The following TTN variants were observed in gnomAD, a reference collection of about 807,000 sequenced individuals.
TTN encodes the protein connectin.
Under a neutral mutation model 3,223.0 loss-of-function variants are expected in TTN, and 1,525 were observed. The ratio of observed to expected loss-of-function variants is 0.47; its 90% CI spans 0.45 to 0.49. The LOEUF is 0.49. Among genes scored for constraint, TTN ranks in the 20% least tolerant of loss-of-function variants. The pLI, the probability that TTN is intolerant of heterozygous loss-of-function variation, is 0.00. For synonymous variants in TTN, 14,094 were observed against 15,161.0 expected (o/e 0.93, Z 5.17); for missense variants, 40,786 against 43,424.0 (o/e 0.94, Z 5.40).
intron 47 of TTN, chr2:178,746,245 AG>A: frequency 6.2e-7 from 1 of 1,612,704 alleles, no homozygotes; most frequent in South Asian, 1.1e-5. Flanking sequence ...AATCACAAAT[AG>A]GCATTATAAA....
rs932333848 is a variant in TTN at position 178,618,010 on chromosome 2, G to C, written c.47341C>G (p.Pro15781Ala). The change falls in exon 253 of 363, where the codon CCA becomes GCA. Residue 15781 changes from proline (P) to alanine (A), a missense_variant. Coordinates refer to ENST00000589042, the MANE Select transcript of TTN (RefSeq NM_001267550.2). ...TCAGCACCTCCATCATACTCTGGTG[G>C]TTCCCATGTCAGTGAGACACCAAAT... ...NRFGVSLTWE[P>A]PEYDGGAEIT... 12 of 1,612,480 alleles carry C rather than the reference G, an allele frequency of 7.4e-6. No individual in the cohort carries two copies. In the East Asian group the frequency reaches 2.7e-4, roughly 36 times the overall value.
In TTN at chr2:178,757,872, C is replaced by T; in HGVS notation, c.10348G>A (p.Val3450Ile). 3.2e-6 allele frequency: 5 copies of T among 1,547,248 alleles called. No individual in the cohort carries two copies. The South Asian group carries it at 6.3e-5, about 20-fold the overall frequency. ...EENTSNSQWHVSLSVSFKKEP... is the reference protein window; with the variant it reads ...EENTSNSQWHISLSVSFKKEP... ...TTCTTAAATGAAACTGATAAAGAGA[C>T]ATGCCATTGGGAGTTTGATGTATTT... is the stretch of plus-strand genomic sequence containing the variant. The change falls in exon 45 of 363, where the codon GTC becomes ATC. Residue 3450 changes from valine to isoleucine, a missense_variant. Transcript: ENST00000589042.
At chr2:178,643,573 AC>A (rs1277438451) in intron 218 of TTN, among the ~76,000 whole-genome samples, 2 of 151,948 alleles carry the variant, frequency 1.3e-5, no homozygotes, top group African/African-American at 4.8e-5. Context: ...GATATAATGA[AC>A]ATAGTGAAAA....
chr2:178,634,379 C>A lies in TTN; in HGVS notation c.42402G>T (p.Arg14134=). 6.2e-7 allele frequency: 1 copy of A among 1,605,910 alleles called. No individual in the cohort carries two copies. Among genetic ancestry groups the A allele is most frequent in the Non-Finnish European group, 8.5e-7 (1 of 1,177,924 alleles). ...AEVEGKKTSA[R]LFVTGIRLKF... ...TAGCTCGCTTACCTGTGACAAACAACCGAGCTGAGGTCTTCTTGCCCTCCA... is the reference window on the plus strand; with the variant it reads ...TAGCTCGCTTACCTGTGACAAACAAACGAGCTGAGGTCTTCTTGCCCTCCA... The change falls in exon 230 of 363, where the codon CGG becomes CGT. Residue 14134 remains arginine (R), a synonymous_variant. Transcript: ENST00000589042. The surrounding 1 kb of genome is among the most constrained non-coding windows in gnomAD (Gnocchi z 4.6).
intron 55 of TTN, 55 bp from the exon 56 acceptor site, chr2:178,732,773 G>A: frequency 6.4e-7 from 1 of 1,564,768 alleles, no homozygotes; most frequent in South Asian, 1.2e-5. Context: ...TGATCTAAGG[G>A]AAGATGACTT....
In TTN at chr2:178,729,302, C is replaced by A; in HGVS notation, c.18854G>T (p.Arg6285Ile). The A allele has an allele frequency of 6.2e-7, 1 of 1,610,510 alleles. No individual in the cohort carries two copies. The highest frequency in any genetic ancestry group is 8.5e-7 in the Non-Finnish European group (1 of 1,177,694). ...GTATAACTGACCTTTCAGGGCAACTCTAGTACTGCATGAGCAGCTGCCGCC... is the reference window on the plus strand; with the variant it reads ...GTATAACTGACCTTTCAGGGCAACTATAGTACTGCATGAGCAGCTGCCGCC... ...NEGGSCSCST[R>I]VALKEPPSFI... The change falls in exon 64 of 363, where the codon AGA (arginine) becomes ATA (isoleucine). Residue 6285 changes from arginine to isoleucine, a missense_variant. Transcript: ENST00000589042.
At chr2:178,556,235 GC>G (rs1319138919) in intron 330 of TTN, 1 of 153,954 alleles carries the variant, frequency 6.5e-6, no homozygotes, top group Non-Finnish European at 1.4e-5. Context: ...GTTGAGACCT[GC>G]CTGGCCAACA....
Position 178,619,884 on chromosome 2 carries a change from A to G in TTN, c.46433T>C (p.Ile15478Thr). ...TGGAGGCCTGATGATCTCAACAGGAATTTCTGGAAAGAAAATGTGAAATAA... is the reference window on the plus strand; with the variant it reads ...TGGAGGCCTGATGATCTCAACAGGAGTTTCTGGAAAGAAAATGTGAAATAA... ...KSRARLFVEE[I>T]PVEIIRPPQD... Residue 15478 changes from isoleucine to threonine, a missense_variant, in exon 250 of 363, where the codon ATT becomes ACT. Ile to Thr is a moderately conservative substitution (Grantham distance 89). Coordinates refer to ENST00000589042, the MANE Select transcript of TTN (RefSeq NM_001267550.2). 4 of 1,605,732 alleles carry G rather than the reference A, an allele frequency of 2.5e-6. No homozygotes were observed. Among genetic ancestry groups the G allele is most frequent in the Non-Finnish European group, 3.4e-6 (4 of 1,177,480 alleles).
At position 178,756,457 on chromosome 2, in the gene TTN, G is replaced by T; in HGVS notation, c.11019C>A (p.Cys3673Ter). Residue 3673 changes from cysteine to a stop codon, truncating the protein, a stop_gained, in exon 46 of 363, where the codon TGC (cysteine) becomes TGA (stop). Transcript: ENST00000589042. LOFTEE classifies it high-confidence loss of function. ...FLHLQDVTVKCGDTAQFLCVL... is the reference protein window; with the variant it reads ...FLHLQDVTVK ...CACAGAGGAATTGAGCCGTGTCACC[G>T]CACTTTACAGTGACGTCCTGAAGAT... 6.2e-7 allele frequency: 1 copy of T among 1,613,740 alleles called. No individual in the cohort carries two copies. Among genetic ancestry groups the T allele is most frequent in the Non-Finnish European group, 8.5e-7 (1 of 1,179,806 alleles).
Position 178,561,345 on chromosome 2 carries a change from T to C in TTN, c.84787A>G (p.Asn28263Asp), listed in dbSNP as rs762665595. 3 of 1,613,858 alleles carry C rather than the reference T, an allele frequency of 1.9e-6. No individual in the cohort carries two copies. Among genetic ancestry groups the C allele is most frequent in the Non-Finnish European group, 8.5e-7 (1 of 1,179,804 alleles). ...AGTGACACTGATTTTCTTGTGATAT[T>C]TGTGACTTCAGGTTGTCCAGGAGGG... The part of the protein sequence containing the change: ...CDPPGQPEVT[N>D]ITRKSVSLKW... The change falls in exon 326 of 363, where the codon AAT becomes GAT. Residue 28263 changes from asparagine (N) to aspartate (D), a missense_variant. Transcript: ENST00000589042.
Position 178,582,228 on chromosome 2 carries a change from A to G in TTN, c.66161-20T>C. The G allele has an allele frequency of 1.3e-6, 2 of 1,585,444 alleles. No individual in the cohort carries two copies. Among genetic ancestry groups the G allele is most frequent in the East Asian group, 2.2e-5 (1 of 44,512 alleles). ...GTGGGTCTGCAGAAATTGATTGAAA[A>G]GTTAATTTCCCAGGCTAAAAGATAA... On this transcript the variant is annotated intron_variant, in intron 314 of 362. Coordinates refer to ENST00000589042, the MANE Select transcript of TTN (RefSeq NM_001267550.2).
intron 316 of TTN, chr2:178,580,824 C>T (rs2047536962): frequency 7.4e-6 from 4 of 541,328 alleles, no homozygotes; most frequent in South Asian, 2.5e-5. Context: ...ACCAGGTTTT[C>T]CCCCCGGAGG....
chr2:178,800,494 G>C lies in TTN; in HGVS notation c.484C>G (p.Leu162Val), dbSNP rs762430512. 6.2e-7 allele frequency: 1 copy of C among 1,614,144 alleles called. No individual in the cohort carries two copies. Among genetic ancestry groups the C allele is most frequent in the South Asian group, 1.1e-5 (1 of 91,080 alleles). Reference protein sequence around the residue: ...ISQEGDLYSLLIAEAYPEDSG... With the variant: ...ISQEGDLYSLVIAEAYPEDSG... ...TCCTCAGGGTATGCTTCTGCAATCA[G>C]TAAGCTGTAGAGGTCGCCTTCTTGT... The change falls in exon 4 of 363, where the codon CTG (leucine) becomes GTG (valine). Residue 162 changes from leucine (L) to valine (V), a missense_variant. Transcript: ENST00000589042.
chr2:178,678,596 A>G, intron 143 of TTN, 99 bp from the exon 144 acceptor site: 1 of 1,170,266 alleles, frequency 8.5e-7, no homozygotes, highest in South Asian at 1.6e-5. Context: ...AAAGTATGAC[A>G]AAGGTATTCC....
intron 6 of TTN, 52 bp from the exon 7 acceptor site, chr2:178,795,304 G>T (rs757038289): frequency 5.8e-6 from 9 of 1,554,598 alleles, no homozygotes; most frequent in Non-Finnish European, 8.0e-6. Flanking sequence ...AGGGGTAACT[G>T]GATGTGAATC....
rs1222741817 is a variant in TTN at position 178,634,107 on chromosome 2, C to T, written c.42416-24G>A. On this transcript the variant is annotated intron_variant, in intron 230 of 362. Transcript: ENST00000589042. The surrounding 1 kb of genome is among the most constrained non-coding windows in gnomAD (Gnocchi z 4.6). Reference sequence around the variant, plus strand: ...ACCTGAAATGCAAGCATAGATAATGCCTCAGAAACACAATTCACCTTCAGA... The same window carrying T: ...ACCTGAAATGCAAGCATAGATAATGTCTCAGAAACACAATTCACCTTCAGA... 23 of 1,609,282 alleles carry T rather than the reference C, an allele frequency of 1.4e-5. No homozygotes were observed. Among genetic ancestry groups the T allele is most frequent in the Non-Finnish European group, 1.9e-5 (22 of 1,178,840 alleles).
At chr2:178,719,062 A>G in intron 83 of TTN, 89 bp from the exon 84 acceptor site, 1 of 1,525,516 alleles carries the variant, frequency 6.6e-7, no homozygotes, top group Non-Finnish European at 8.8e-7. Flanking sequence ...GGGAGCTAAG[A>G]CTAAACATGA....
chr2:178,797,734 A>C (rs904529596), intron 6 of TTN, among the ~76,000 whole-genome samples: 3 of 152,126 alleles, frequency 2.0e-5, no homozygotes, highest in Admixed American at 6.5e-5. Context: ...GAAAGGTCTT[A>C]AAATTTTTTC....
rs755367599 is a variant in TTN at position 178,588,524 on chromosome 2, C to G, written c.63187+14G>C. 7.3e-6 allele frequency: 11 copies of G among 1,509,228 alleles called. No homozygotes were observed. The highest frequency in any genetic ancestry group is 9.7e-6 in the Non-Finnish European group (11 of 1,132,460). 93.5% of individuals were successfully genotyped at this position (1,509,228 alleles called of 1,614,324 possible). A position where few individuals can be genotyped will look rare whatever the true frequency, so the allele number is the denominator to read the frequency against. On this transcript the variant is annotated intron_variant, in intron 304 of 362. Coordinates refer to ENST00000589042, the MANE Select transcript of TTN (RefSeq NM_001267550.2). ...AGAGTTGCTGTAATATCAGAAAAAA[C>G]AAGGACATCCTACCTATGGGGTCTT...
Sources: allele counts gnomAD v4.1 joint callset (sites outside exome capture counted in the v4.1 genomes callset), GRCh38; gene constraint gnomAD v4.1.1; non-coding constraint Gnocchi (gnomAD v3.1); transcripts MANE v1.5; gene names NCBI Gene and HGNC (gene_info 2026-07-23, HGNC 2026-07-21).